The following C2orf69 variants were observed in gnomAD, a reference collection of about 807,000 sequenced individuals.
The protein encoded by C2orf69 is mitochondrial protein C2orf69.
Under a neutral mutation model 29.5 loss-of-function variants are expected in C2orf69, and 19 were observed. That is an observed-to-expected ratio of 0.65 (90% CI 0.45 to 0.95). C2orf69 has a LOEUF of 0.95. C2orf69 is among the 40% of genes least tolerant of loss of function. C2orf69 has a pLI of 0.00. For synonymous variants in C2orf69, 194 were observed against 180.0 expected (o/e 1.08, Z -0.62); for missense variants, 416 against 482.1 (o/e 0.86, Z 1.28).
In C2orf69 at chr2:199,917,174, C is replaced by T. The variant is rs1353322159; in HGVS notation, c.333+5403C>T. Among the ~76,000 whole-genome samples, 5 of 152,336 alleles carry T rather than the reference C, an allele frequency of 3.3e-5. No homozygotes were observed. The East Asian group carries it at 9.7e-4, about 29-fold the overall frequency. ...ATTTTAGCCACGGTGGGACACAGGG[C>T]ACCAAGTTTCAAGACTGCACAAAGC... On this transcript the variant is annotated intron_variant, in intron 1 of 1. Transcript: ENST00000319974.
At chr2:199,913,224 ATATAT>A (rs1378626395) in intron 1 of C2orf69, among the ~76,000 whole-genome samples, 1 of 57,248 alleles carries the variant, frequency 1.7e-5, no homozygotes, top group African/African-American at 6.7e-5. Context: ...TATATATAAT[ATATAT>A]TATAATATAT....
At chr2:199,913,369 TA>T (rs1559292368) in intron 1 of C2orf69, among the ~76,000 whole-genome samples, 5 of 67,788 alleles carry the variant, frequency 7.4e-5, no homozygotes, top group East Asian at 6.7e-4. Flanking sequence ...TATATTCTAT[TA>T]TGATATATAT....
rs2106636271 is a variant in C2orf69, at chr2:199,911,473, T to G, written c.35T>G (p.Leu12Trp). The change falls in exon 1 of 2, where the codon TTG (leucine) becomes TGG (tryptophan). Residue 12 changes from leucine to tryptophan, a missense_variant. By Grantham distance (61) the Leu-to-Trp change is moderately conservative (BLOSUM62 -2). Transcript: ENST00000319974. Reference protein sequence around the residue: ...WGFRLLRSPPLLLLLPQLGIG... With the variant: ...WGFRLLRSPPWLLLLPQLGIG... The stretch of plus-strand genomic sequence containing the variant: ...TTCAGGCTCCTGCGGTCGCCGCCGT[T>G]GCTGCTCCTGCTGCCGCAGCTCGGA... 2 of 1,545,968 alleles carry G rather than the reference T, an allele frequency of 1.3e-6. No homozygotes were observed. Among genetic ancestry groups the G allele is most frequent in the Non-Finnish European group, 1.7e-6 (2 of 1,144,772 alleles).
intron 1 of C2orf69, among the ~76,000 whole-genome samples, chr2:199,923,415 T>C (rs1387994825): frequency 6.6e-6 from 1 of 152,192 alleles, no homozygotes; most frequent in Non-Finnish European, 1.5e-5. Context: ...TTTGTAACTG[T>C]ATTTAATTTC....
intron 1 of C2orf69, among the ~76,000 whole-genome samples, chr2:199,914,534 C>T (rs1401975108): frequency 2.6e-5 from 4 of 152,130 alleles, no homozygotes; most frequent in Non-Finnish European, 4.4e-5. Context: ...AATCATTCCA[C>T]GTCTGCTCAA....
intron 1 of C2orf69, 120 bp from the exon 2 acceptor site, chr2:199,924,942 T>G: frequency 1.6e-6 from 1 of 639,016 alleles, no homozygotes; most frequent in African/African-American, 1.8e-5. Context: ...ATTTCTAGTG[T>G]ACATTAACCA....
chr2:199,925,473 T>C lies in C2orf69; in HGVS notation c.745T>C (p.Tyr249His), dbSNP rs1483802101. Residue 249 changes from tyrosine (Y) to histidine (H), a missense_variant, in exon 2 of 2, where the codon TAT (tyrosine) becomes CAT (histidine). This residue lies in a region of C2orf69 where 225 missense variants were observed against 307.3 expected (regional missense o/e 0.73). Transcript: ENST00000319974. This position sits in a 1 kb window ranked among gnomAD's most constrained non-coding sequence, Gnocchi z 4.9. The stretch of plus-strand genomic sequence containing the variant: ...ATCTGATGAGTCTGCCATGAGTTTT[T>C]ATCCACCATCACTAAATGACGCATC... Reference protein sequence around the residue: ...EKSDESAMSFYPPSLNDASFT... With the variant: ...EKSDESAMSFHPPSLNDASFT... 1 of 1,613,874 alleles carries C rather than the reference T, an allele frequency of 6.2e-7. No individual in the cohort carries two copies. The highest frequency in any genetic ancestry group is 8.5e-7 in the Non-Finnish European group (1 of 1,179,868).
intron 1 of C2orf69, among the ~76,000 whole-genome samples, chr2:199,919,272 AT>A (rs1376694145): frequency 6.6e-6 from 1 of 152,166 alleles, no homozygotes; most frequent in African/African-American, 2.4e-5. Flanking sequence ...TGTTCCTTTT[AT>A]TTACAGAGTA....
intron 1 of C2orf69, among the ~76,000 whole-genome samples, chr2:199,921,014 T>G (rs1298281083): frequency 7.6e-6 from 1 of 131,640 alleles, no homozygotes; most frequent in South Asian, 2.7e-4. Context: ...TTTTTTTTTT[T>G]TTTTTTTTTT....
At chr2:199,917,064 C>T (rs1052507820) in intron 1 of C2orf69, among the ~76,000 whole-genome samples, 10 of 152,218 alleles carry the variant, frequency 6.6e-5, no homozygotes, top group African/African-American at 2.4e-4. Context: ...TACTTTTATG[C>T]ACCCACAGGC....
At chr2:199,913,470 ATATT>A (rs1159107732) in intron 1 of C2orf69, among the ~76,000 whole-genome samples, 1 of 32,882 alleles carries the variant, frequency 3.0e-5, no homozygotes, top group African/African-American at 1.3e-4. Context: ...TATAAAATAT[ATATT>A]ATATAAAATA....
intron 1 of C2orf69, among the ~76,000 whole-genome samples, chr2:199,921,001 GTTTTTTTTT>G (rs71019096): frequency 7.9e-4 from 53 of 67,038 alleles, no homozygotes; most frequent in African/African-American, 3.1e-3. Context: ...CTAGGAATTA[GTTTTTTTTT>G]TTTTTTTTTT....
At chr2:199,916,402 A>C (rs560511902) in intron 1 of C2orf69, among the ~76,000 whole-genome samples, 1 of 152,250 alleles carries the variant, frequency 6.6e-6, no homozygotes, top group East Asian at 1.9e-4. Flanking sequence ...AGCCCCTCCC[A>C]AATTTCATGT....
chr2:199,914,351 A>G lies in C2orf69; in HGVS notation c.333+2580A>G, dbSNP rs140966238. ...CTAAAATCTCTGGATCTTTACCCCTATGCAGTCTTCCTCATGTCATTAATG... is the reference window on the plus strand; with the variant it reads ...CTAAAATCTCTGGATCTTTACCCCTGTGCAGTCTTCCTCATGTCATTAATG... On this transcript the variant is annotated intron_variant, in intron 1 of 1. Coordinates refer to ENST00000319974, the MANE Select transcript of C2orf69 (RefSeq NM_153689.6). Among the ~76,000 whole-genome samples, 61 of 152,282 alleles carry G rather than the reference A, an allele frequency of 4.0e-4. No homozygotes were observed. The East Asian group carries it at 8.5e-3, about 21-fold the overall frequency.
In C2orf69 at chr2:199,928,187, TGAGAA is replaced by T. The variant is rs1324684052; in HGVS notation, c.*2302_*2306del. The T allele has an allele frequency of 1.3e-5, 2 of 152,730 alleles. No homozygotes were observed. The highest frequency in any genetic ancestry group is 4.1e-4 in the South Asian group (2 of 4,832). 9.5% of individuals were successfully genotyped at this position (152,730 alleles called of 1,614,324 possible). On this transcript the variant is annotated 3_prime_UTR_variant, in exon 2 of 2. Coordinates refer to ENST00000319974, the MANE Select transcript of C2orf69 (RefSeq NM_153689.6). ...TTTGGATTGTGCCTTTGTCATGAGT[TGAGAA>T]AAGTAGTCCTACAAATAATGTGAAA...
intron 1 of C2orf69, among the ~76,000 whole-genome samples, chr2:199,913,924 T>G (rs1164548747): frequency 6.6e-6 from 1 of 152,206 alleles, no homozygotes; most frequent in East Asian, 1.9e-4. Context: ...ACATACAGTT[T>G]GAGGCCAGAT....
rs1202522602 is a variant in C2orf69 at position 199,925,478 on chromosome 2, A to G, written c.750A>G (p.Pro250=). 1 of 1,613,852 alleles carries G rather than the reference A, an allele frequency of 6.2e-7. No homozygotes were observed. The highest frequency in any genetic ancestry group is 1.7e-5 in the Admixed American group (1 of 60,022). The change falls in exon 2 of 2, where the codon CCA becomes CCG. Residue 250 remains proline (P), a synonymous_variant. Transcript: ENST00000319974. The surrounding 1 kb of genome is among the most constrained non-coding windows in gnomAD (Gnocchi z 4.9). ...ATGAGTCTGCCATGAGTTTTTATCCACCATCACTAAATGACGCATCTTTTA... is the reference window on the plus strand; with the variant it reads ...ATGAGTCTGCCATGAGTTTTTATCCGCCATCACTAAATGACGCATCTTTTA... ...KSDESAMSFY[P]PSLNDASFTL... is the part of the protein sequence containing the mutation.
At position 199,927,634 on chromosome 2, in the gene C2orf69, T is replaced by TGAGA. The variant is rs2077341020; in HGVS notation, c.*1749_*1752dup. 1 of 151,952 alleles carries TGAGA rather than the reference T, an allele frequency of 6.6e-6. No individual in the cohort carries two copies. Among genetic ancestry groups the TGAGA allele is most frequent in the Non-Finnish European group, 1.5e-5 (1 of 67,928 alleles). The allele number at this position is 151,952 out of a possible 1,614,324, so 9.4% of individuals were successfully genotyped here. A position where few individuals can be genotyped will look rare whatever the true frequency, so the allele number is the denominator to read the frequency against. ...GTTTCTTTAAATACCTCGTTTCTTT[T>TGAGA]GAGACCAAAAATTCCCATCAAGGAA... On this transcript the variant is annotated 3_prime_UTR_variant, in exon 2 of 2. Transcript: ENST00000319974.
rs2077261207 is a variant in C2orf69, at chr2:199,911,655, C to T, written c.217C>T (p.Leu73=). ...ADPQRSNELL[L]LAAAGEGLER... is the part of the protein sequence containing the mutation. Reference sequence around the variant, plus strand: ...TCCGCAGCGCAGCAACGAATTGCTCCTGTTGGCGGCGGCCGGGGAGGGACT... The same window carrying T: ...TCCGCAGCGCAGCAACGAATTGCTCTTGTTGGCGGCGGCCGGGGAGGGACT... The change falls in exon 1 of 2, where the codon CTG becomes TTG. Residue 73 remains leucine, a synonymous_variant. Transcript: ENST00000319974. 1.3e-6 allele frequency: 2 copies of T among 1,549,008 alleles called. No individual in the cohort carries two copies. Among genetic ancestry groups the T allele is most frequent in the East Asian group, 4.9e-5 (2 of 40,904 alleles).
Sources: allele counts gnomAD v4.1 joint callset (sites outside exome capture counted in the v4.1 genomes callset), GRCh38; gene constraint gnomAD v4.1.1; regional missense constraint gnomAD v4.1.1; non-coding constraint Gnocchi (gnomAD v3.1); transcripts MANE v1.5; gene names NCBI Gene and HGNC (gene_info 2026-07-23, HGNC 2026-07-21).